The following SH3GL3 variants were observed in gnomAD, a reference collection of about 807,000 sequenced individuals.
SH3GL3 encodes endophilin-A3.
Under a neutral mutation model 47.7 loss-of-function variants are expected in SH3GL3, and 33 were observed. The observed-to-expected ratio is 0.69, with a 90% CI of 0.52 to 0.92. The LOEUF is 0.92. SH3GL3 is among the 40% of genes least tolerant of loss of function. SH3GL3 has a pLI of 0.00. For synonymous variants in SH3GL3, 155 were observed against 148.8 expected, an observed-to-expected ratio of 1.04 and a Z score of -0.30; for missense variants, 363 against 417.8, an observed-to-expected ratio of 0.87 and a Z score of 1.14.
chr15:83,631,812 G>A, the SH3GL3 span, among the ~76,000 whole-genome samples: 2 of 152,192 alleles, frequency 1.3e-5, no homozygotes, highest in Non-Finnish European at 2.9e-5. Flanking sequence ...GACATGCCCT[G>A]GGGACATTTT....
intron 6 of SH3GL3, among the ~76,000 whole-genome samples, chr15:83,580,165 T>G (rs1363148186): frequency 6.6e-6 from 1 of 152,206 alleles, no homozygotes; most frequent in Non-Finnish European, 1.5e-5. Context: ...ACGTCCAACC[T>G]TGGTCACTCA....
At chr15:83,528,351 T>G (rs541559141) in intron 1 of SH3GL3, among the ~76,000 whole-genome samples, 1 of 152,322 alleles carries the variant, frequency 6.6e-6, no homozygotes, top group East Asian at 1.9e-4. Flanking sequence ...CTTGCTAGAC[T>G]TGGGAAGTTT....
In SH3GL3 at chr15:83,618,083, T is replaced by TC. The variant is rs2060876814; in HGVS notation, c.840_841insC (p.Ser281LeufsTer2). ...TTTGTCTCCATATCATGTGGACAGGTTCTAACATTCCCATGGACCAGCCCT... is the reference window on the plus strand; with the variant it reads ...TTTGTCTCCATATCATGTGGACAGGTCTCTAACATTCCCATGGACCAGCCCT... On this transcript the variant is annotated frameshift_variant and splice_region_variant, in exon 9 of 9. Coordinates refer to ENST00000427482, the MANE Select transcript of SH3GL3 (RefSeq NM_003027.5). LOFTEE classifies it high-confidence loss of function. 1 of 1,606,720 alleles carries TC rather than the reference T, an allele frequency of 6.2e-7. No individual in the cohort carries two copies. The highest frequency in any genetic ancestry group is 8.5e-7 in the Non-Finnish European group (1 of 1,173,250).
rs768035575 is a variant in SH3GL3, at chr15:83,576,591, GA to G, written c.479del (p.Lys160SerfsTer16). 3 of 1,603,606 alleles carry G rather than the reference GA, an allele frequency of 1.9e-6. No individual in the cohort carries two copies. The highest frequency in any genetic ancestry group is 1.7e-6 in the Non-Finnish European group (2 of 1,176,828). On this transcript the variant is annotated frameshift_variant, in exon 6 of 9. Transcript: ENST00000427482. LOFTEE classifies it high-confidence loss of function. ...KDLKEIGHHL[K>X]KLEGRRLDYD... ...CCATTCTCTTTTTTTAGCATCACCTGAAAAAGCTGGAAGGCCGCCGCCTGGA... is the reference window on the plus strand; with the variant it reads ...CCATTCTCTTTTTTTAGCATCACCTGAAAAGCTGGAAGGCCGCCGCCTGGA...
chr15:83,613,334 G>A (rs141374379), intron 8 of SH3GL3, among the ~76,000 whole-genome samples: 29 of 152,318 alleles, frequency 1.9e-4, no homozygotes, highest in Middle Eastern at 3.4e-3. Context: ...TTTAGGTGCT[G>A]ATGGAGTGTG....
chr15:83,604,885 A>G (rs2060474691), intron 8 of SH3GL3, among the ~76,000 whole-genome samples: 1 of 152,208 alleles, frequency 6.6e-6, no homozygotes, highest in Non-Finnish European at 1.5e-5. Flanking sequence ...GGCCAAGAGC[A>G]TTGGGAATGA....
intron 1 of SH3GL3, among the ~76,000 whole-genome samples, chr15:83,472,125 C>T (rs932672010): frequency 2.0e-5 from 3 of 152,196 alleles, no homozygotes; most frequent in Non-Finnish European, 4.4e-5. Context: ...CTCAGGTGAT[C>T]CGCCTGCCTC....
At chr15:83,567,965 T>TTTC (rs1555413780) in intron 3 of SH3GL3, among the ~76,000 whole-genome samples, 12 of 149,040 alleles carry the variant, frequency 8.1e-5, no homozygotes, top group Admixed American at 3.4e-4. Flanking sequence ...TTCTTTTTTT[T>TTTC]TTTCTTTCTT....
intron 1 of SH3GL3, among the ~76,000 whole-genome samples, chr15:83,516,277 AT>A (rs964261650): frequency 5.9e-5 from 9 of 152,186 alleles, no homozygotes; most frequent in African/African-American, 2.2e-4. Flanking sequence ...GAACTAGGAC[AT>A]TGCTAGCATC....
At chr15:83,544,031 ATT>A (rs954407425) in intron 1 of SH3GL3, among the ~76,000 whole-genome samples, 1 of 149,374 alleles carries the variant, frequency 6.7e-6, no homozygotes, top group Non-Finnish European at 1.5e-5. Flanking sequence ...CCTGATTTTA[ATT>A]TTTTTTTCTT....
intron 1 of SH3GL3, among the ~76,000 whole-genome samples, chr15:83,543,866 CCTT>C (rs1335258393): frequency 1.3e-5 from 2 of 151,930 alleles, no homozygotes; most frequent in African/African-American, 2.4e-5. Context: ...TTTAATGTCT[CCTT>C]CTTCATCCCT....
intron 1 of SH3GL3, among the ~76,000 whole-genome samples, chr15:83,501,296 A>G (rs1365041721): frequency 6.6e-6 from 1 of 152,226 alleles, no homozygotes; most frequent in Non-Finnish European, 1.5e-5. Context: ...AAGCGACTCA[A>G]GTTATGCCAT....
intron 1 of SH3GL3, among the ~76,000 whole-genome samples, chr15:83,553,582 C>A (rs1437796273): frequency 6.6e-6 from 1 of 152,132 alleles, no homozygotes. Flanking sequence ...TATGTTATAA[C>A]ATGCATAGTT....
intron 1 of SH3GL3, among the ~76,000 whole-genome samples, chr15:83,494,148 G>A (rs2151589469): frequency 6.6e-6 from 1 of 152,322 alleles, no homozygotes. Flanking sequence ...GGATGCATGG[G>A]CCAGGTTCAG....
At chr15:83,618,043 T>C in intron 8 of SH3GL3, 39 bp from the exon 9 acceptor site, 1 of 1,291,926 alleles carries the variant, frequency 7.7e-7, no homozygotes, top group Non-Finnish European at 1.1e-6. Flanking sequence ...TAATCCATCA[T>C]GTTCATCTGT....
intron 1 of SH3GL3, among the ~76,000 whole-genome samples, chr15:83,548,356 CTG>C (rs969346014): frequency 1.1e-4 from 17 of 149,382 alleles, no homozygotes; most frequent in East Asian, 3.9e-4. Context: ...TTATATGTGT[CTG>C]TGTTTCCATT....
chr15:83,621,287 A>T (rs1183686441), downstream of SH3GL3, among the ~76,000 whole-genome samples: 1 of 152,246 alleles, frequency 6.6e-6, no homozygotes, highest in East Asian at 1.9e-4. Context: ...AGCCTCCCTC[A>T]CTAAGCTTAA....
chr15:83,526,642 C>T (rs1490737064), intron 1 of SH3GL3, among the ~76,000 whole-genome samples: 1 of 152,010 alleles, frequency 6.6e-6, no homozygotes, highest in Non-Finnish European at 1.5e-5. Context: ...TAGAGGGGAA[C>T]AGCAGACACT....
At chr15:83,581,112 C>T (rs188195256) in intron 6 of SH3GL3, among the ~76,000 whole-genome samples, 15 of 152,258 alleles carry the variant, frequency 9.9e-5, no homozygotes, top group South Asian at 4.1e-4. Context: ...CTGGCTAAGA[C>T]GCAATAAAAG....
Sources: allele counts gnomAD v4.1 joint callset (sites outside exome capture counted in the v4.1 genomes callset), GRCh38; gene constraint gnomAD v4.1.1; transcripts MANE v1.5; gene names NCBI Gene and HGNC (gene_info 2026-07-23, HGNC 2026-07-21).